BTNL8: variants seen among roughly 807,000 people sequenced by gnomAD.
BTNL8 encodes butyrophilin-like protein 8.
BTNL8 carries 22 observed loss-of-function variants against 36.1 expected under a neutral mutation model. The observed-to-expected ratio is 0.61, with a 90% CI of 0.44 to 0.87. BTNL8 has a LOEUF of 0.87. Ranked by LOEUF, BTNL8 falls within the 40% of genes least tolerant of loss-of-function variation. The pLI, the probability that BTNL8 is intolerant of heterozygous loss-of-function variation, is 0.00. For missense variants in BTNL8, 526 were observed against 616.9 expected (o/e 0.85, Z 1.56); for synonymous variants, 203 against 235.6 (o/e 0.86, Z 1.27).
chr5:180,947,439 G>A, intron 3 of BTNL8, 73 bp from the exon 4 acceptor site: 6 of 1,550,790 alleles, frequency 3.9e-6, no homozygotes, highest in Non-Finnish European at 5.3e-6. Context: ...GGAACAAGGT[G>A]ACTCCTTAAA....
At chr5:180,933,005 CA>C (rs146946077) in intron 3 of BTNL8, among the ~76,000 whole-genome samples, 80,206 of 138,090 alleles carry the variant, frequency 0.58, 22,258 homozygotes, top group African/African-American at 0.69. Context: ...AAATAAAAAC[CA>C]AAAAAAAAAA....
At chr5:180,912,009 G>C (rs567632616) in intron 3 of BTNL8, among the ~76,000 whole-genome samples, 2 of 152,182 alleles carry the variant, frequency 1.3e-5, no homozygotes, top group Non-Finnish European at 2.9e-5. Flanking sequence ...CCATAATGCG[G>C]GTGGGCTTAT....
At chr5:180,942,647 G>A (rs1759041446) in intron 3 of BTNL8, among the ~76,000 whole-genome samples, 1 of 152,142 alleles carries the variant, frequency 6.6e-6, no homozygotes, top group Non-Finnish European at 1.5e-5. Flanking sequence ...CATATTTACA[G>A]TCAGCTCACT....
chr5:180,920,566 A>G (rs917466056), intron 3 of BTNL8, among the ~76,000 whole-genome samples: 4 of 152,128 alleles, frequency 2.6e-5, no homozygotes, highest in South Asian at 4.1e-4. Flanking sequence ...CCAAAAGCAC[A>G]GGCAATGAAA....
At chr5:180,927,038 C>T (rs2113820219) in intron 3 of BTNL8, among the ~76,000 whole-genome samples, 1 of 152,306 alleles carries the variant, frequency 6.6e-6, no homozygotes, top group Middle Eastern at 3.4e-3. Flanking sequence ...AAGACACCTC[C>T]CAGCAGGGGT....
chr5:180,934,881 C>T (rs1758571714), intron 3 of BTNL8, among the ~76,000 whole-genome samples: 1 of 152,114 alleles, frequency 6.6e-6, no homozygotes, highest in African/African-American at 2.4e-5. Flanking sequence ...TTCAGTCCCA[C>T]CTTTCAGTGG....
Position 180,950,281 on chromosome 5 carries a change from G to A in BTNL8, c.1240G>A (p.Glu414Lys). The change falls in exon 8 of 8, where the codon GAG becomes AAG. Residue 414 changes from glutamate (E) to lysine (K), a missense_variant. Physicochemically the swap from Glu to Lys is moderately conservative, Grantham distance 56 (BLOSUM62 1). Transcript: ENST00000340184. ...AAAAATAGGGGTCTTCCTGGACTAT[G>A]AGTGTGGGACCATCTCCTTCTTCAA... is the stretch of plus-strand genomic sequence containing the variant. ...PTKIGVFLDYECGTISFFNIN... is the reference protein window; with the variant it reads ...PTKIGVFLDYKCGTISFFNIN... 6.8e-7 allele frequency: 1 copy of A among 1,463,748 alleles called. No individual in the cohort carries two copies. The highest frequency in any genetic ancestry group is 1.1e-5 in the South Asian group (1 of 89,272). The allele number at this position is 1,463,748 out of a possible 1,614,324, so 90.7% of individuals were successfully genotyped here. A position where few individuals can be genotyped will look rare whatever the true frequency, so the allele number is the denominator to read the frequency against.
chr5:180,944,445 G>A (rs569432415), intron 3 of BTNL8, among the ~76,000 whole-genome samples: 1 of 152,172 alleles, frequency 6.6e-6, no homozygotes, highest in East Asian at 1.9e-4. Flanking sequence ...GTTATTATGA[G>A]GCAATTAAAA....
intron 5 of BTNL8, 141 bp downstream of exon 5, chr5:180,948,516 T>A: frequency 6.2e-7 from 1 of 1,606,338 alleles, no homozygotes; most frequent in Non-Finnish European, 8.5e-7. Flanking sequence ...CTGCTCGCTC[T>A]CTCCATCCAC....
intron 2 of BTNL8, among the ~76,000 whole-genome samples, chr5:180,910,339 T>A (rs1484091017): frequency 6.6e-6 from 1 of 152,196 alleles, no homozygotes; most frequent in Non-Finnish European, 1.5e-5. Context: ...GCTACAGGTC[T>A]GCCTTTCTTC....
chr5:180,944,616 T>C (rs1391299931), intron 3 of BTNL8, among the ~76,000 whole-genome samples: 1 of 152,088 alleles, frequency 6.6e-6, no homozygotes, highest in Non-Finnish European at 1.5e-5. Context: ...CACAGTAGGG[T>C]AACTATAATT....
In BTNL8 at chr5:180,915,638, G is replaced by A. The variant is rs1298552205; in HGVS notation, c.673+4024G>A. On this transcript the variant is annotated intron_variant, in intron 3 of 7. Transcript: ENST00000340184. ...ACAGACTAGAGGAGGAGGAGTGACA[G>A]AAAGACAAAATATACTGTCAAACAG... is the stretch of plus-strand genomic sequence containing the variant. Among the ~76,000 whole-genome samples, 3 of 152,158 alleles carry A rather than the reference G, an allele frequency of 2.0e-5. No homozygotes were observed. In the South Asian group the frequency reaches 6.2e-4, roughly 32 times the overall value.
Position 180,939,524 on chromosome 5 carries a change from T to C in BTNL8, c.674-7988T>C, listed in dbSNP as rs561109886. Among the ~76,000 whole-genome samples the C allele has an allele frequency of 1.6e-4, 25 of 152,268 alleles. No individual in the cohort carries two copies. In the South Asian group the frequency reaches 5.0e-3, roughly 30 times the overall value. The stretch of plus-strand genomic sequence containing the variant: ...AGGATATAGCAATTGTAAATATATA[T>C]GAACCCAATACAAAAGCACCAAAAT... On this transcript the variant is annotated intron_variant, in intron 3 of 7. Transcript: ENST00000340184.
At chr5:180,922,001 C>T (rs113110491) in intron 3 of BTNL8, among the ~76,000 whole-genome samples, 2 of 152,136 alleles carry the variant, frequency 1.3e-5, no homozygotes, top group African/African-American at 4.8e-5. Flanking sequence ...TCATAATAGT[C>T]TCTGATAGTT....
rs1421942856 is a variant in BTNL8, at chr5:180,907,771, C to T, written c.50-815C>T. ...CCTCAGCTGCAGGTCTGTTGGAGTA[C>T]CCTGCCGTGTGAGGTGTCAGTGTGC... On this transcript the variant is annotated intron_variant, in intron 1 of 7. Coordinates refer to ENST00000340184, the MANE Select transcript of BTNL8 (RefSeq NM_001040462.3). 3.9e-5 allele frequency among the ~76,000 whole-genome samples: 6 copies of T among 151,944 alleles called. No individual in the cohort carries two copies. In the East Asian group the frequency reaches 5.8e-4, roughly 15 times the overall value.
At chr5:180,924,446 T>C (rs1758007232) in intron 3 of BTNL8, among the ~76,000 whole-genome samples, 1 of 152,086 alleles carries the variant, frequency 6.6e-6, no homozygotes, top group South Asian at 2.1e-4. Context: ...AACAGTACCA[T>C]CTAGCAAGAA....
intron 3 of BTNL8, among the ~76,000 whole-genome samples, chr5:180,932,075 T>C (rs888060060): frequency 1.3e-5 from 2 of 152,146 alleles, no homozygotes; most frequent in Non-Finnish European, 2.9e-5. Context: ...CCATCAATGA[T>C]AGGCTGGTTA....
Position 180,911,363 on chromosome 5 carries a change from CCA to C in BTNL8, c.423_424del (p.Ile142HisfsTer5). The C allele has an allele frequency of 6.2e-7, 1 of 1,614,182 alleles. No homozygotes were observed. Among genetic ancestry groups the C allele is most frequent in the Non-Finnish European group, 8.5e-7 (1 of 1,180,022 alleles). ...GCACTGGGCTCAGTTCCTCTCATTTCCATCACGGGATATGTTGATAGAGACAT... is the reference window on the plus strand; with the variant it reads ...GCACTGGGCTCAGTTCCTCTCATTTCTCACGGGATATGTTGATAGAGACAT... On this transcript the variant is annotated frameshift_variant, in exon 3 of 8. Transcript: ENST00000340184. LOFTEE classifies it high-confidence loss of function.
At position 180,908,945 on chromosome 5, in the gene BTNL8, AT is replaced by A; in HGVS notation, c.397+15del. On this transcript the variant is annotated intron_variant, in intron 2 of 7. Transcript: ENST00000340184. ...GCTACAGGTGTCAGGTCAGTTTCAT[AT>A]TTCATAACTTAGTTGTCCCAAAGAA... 6.3e-7 allele frequency: 1 copy of A among 1,599,970 alleles called. No homozygotes were observed. The highest frequency in any genetic ancestry group is 8.5e-7 in the Non-Finnish European group (1 of 1,170,458).
Sources: allele counts gnomAD v4.1 joint callset (sites outside exome capture counted in the v4.1 genomes callset), GRCh38; gene constraint gnomAD v4.1.1; transcripts MANE v1.5; gene names NCBI Gene and HGNC (gene_info 2026-07-23, HGNC 2026-07-21).